The following CLEC16A variants were observed in gnomAD, a reference collection of about 807,000 sequenced individuals.
CLEC16A encodes C-type lectin domain containing 16A, also known as protein CLEC16A.
In CLEC16A, 51 loss-of-function variants were observed where a neutral mutation model predicts 109.5. The ratio of observed to expected loss-of-function variants is 0.47; its 90% confidence interval spans 0.37 to 0.59. CLEC16A has a LOEUF of 0.59. Among genes scored for constraint, CLEC16A ranks in the 20% least tolerant of loss-of-function variants. The pLI is 0.00. For missense variants in CLEC16A, 1,339 were observed against 1,394.0 expected (o/e 0.96, Z 0.63); for synonymous variants, 673 against 564.2 (o/e 1.19, Z -2.73).
chr16:11,104,456 A>G (rs1200213327), intron 19 of CLEC16A, among the ~76,000 whole-genome samples: 2 of 152,062 alleles, frequency 1.3e-5, no homozygotes, highest in Non-Finnish European at 2.9e-5. Flanking sequence ...TATTCTCTAG[A>G]CTATGTCCTC....
intron 13 of CLEC16A, among the ~76,000 whole-genome samples, chr16:11,034,492 G>C (rs975551720): frequency 2.6e-5 from 4 of 152,170 alleles, no homozygotes; most frequent in African/African-American, 9.7e-5. Context: ...TGAGAGGGAA[G>C]CTTAGTAAGA....
intron 19 of CLEC16A, among the ~76,000 whole-genome samples, chr16:11,115,167 C>T (rs2051892422): frequency 6.6e-6 from 1 of 152,084 alleles, no homozygotes; most frequent in Admixed American, 6.5e-5. Context: ...TGTCCGTTTT[C>T]CCAGATCAAA....
At chr16:10,952,328 T>C (rs1007996313) in intron 1 of CLEC16A, among the ~76,000 whole-genome samples, 1 of 152,220 alleles carries the variant, frequency 6.6e-6, no homozygotes. Context: ...ACCCCATCTC[T>C]ACTAAAAGTA....
intron 10 of CLEC16A, among the ~76,000 whole-genome samples, chr16:11,001,855 C>G (rs527366598): frequency 6.6e-6 from 1 of 152,182 alleles, no homozygotes; most frequent in South Asian, 2.1e-4. Context: ...GCGAGCTGAT[C>G]TTTGACTTAT....
chr16:11,163,099 A>C (rs972431723), intron 22 of CLEC16A, among the ~76,000 whole-genome samples: 2 of 152,238 alleles, frequency 1.3e-5, no homozygotes, highest in Admixed American at 6.5e-5. Context: ...TTCATACACC[A>C]AAAGCCTCTG....
chr16:11,003,314 C>G lies in CLEC16A; in HGVS notation c.1303+9C>G. The G allele has an allele frequency of 6.2e-7, 1 of 1,607,212 alleles. No individual in the cohort carries two copies. The highest frequency in any genetic ancestry group is 1.1e-5 in the South Asian group (1 of 90,848). On this transcript the variant is annotated intron_variant, in intron 11 of 23. Transcript: ENST00000409790. ...GAGTGGGGAGAGTGAAGGTGAGTGTCCCCATGAACGCCGCCCTGTGCCTGC... is the reference window on the plus strand; with the variant it reads ...GAGTGGGGAGAGTGAAGGTGAGTGTGCCCATGAACGCCGCCCTGTGCCTGC...
intron 19 of CLEC16A, among the ~76,000 whole-genome samples, chr16:11,063,720 C>T (rs892439085): frequency 2.0e-5 from 3 of 152,110 alleles, no homozygotes; most frequent in African/African-American, 7.2e-5. Context: ...AGCCGAGCTC[C>T]GGCTGTCATA....
At chr16:11,071,703 T>A (rs944831589) in intron 19 of CLEC16A, among the ~76,000 whole-genome samples, 2 of 150,064 alleles carry the variant, frequency 1.3e-5, no homozygotes, top group South Asian at 2.1e-4. Flanking sequence ...CATCCCACCT[T>A]AGCCTCTTGA....
At chr16:11,146,888 T>C (rs756219462) in intron 22 of CLEC16A, among the ~76,000 whole-genome samples, 5 of 152,152 alleles carry the variant, frequency 3.3e-5, no homozygotes, top group Non-Finnish European at 5.9e-5. Flanking sequence ...TCAGCCCCTT[T>C]GGAGCTCATG....
At chr16:11,133,980 G>A (rs768972215) in intron 22 of CLEC16A, among the ~76,000 whole-genome samples, 7 of 152,040 alleles carry the variant, frequency 4.6e-5, no homozygotes, top group Non-Finnish European at 7.4e-5. Flanking sequence ...TTATTGAGCT[G>A]CTAAGCACTT....
chr16:11,024,617 A>G (rs141117103), intron 12 of CLEC16A: 2 of 501,688 alleles, frequency 4.0e-6, no homozygotes, highest in East Asian at 3.4e-5. Context: ...TTCCTTGGTC[A>G]GGTTCCCCTC....
At chr16:11,039,580 G>T (rs996886415) in intron 13 of CLEC16A, among the ~76,000 whole-genome samples, 174 bp from the exon 14 acceptor site, 1 of 151,832 alleles carries the variant, frequency 6.6e-6, no homozygotes, top group Non-Finnish European at 1.5e-5. Context: ...TGGGAAACAT[G>T]ACAAAATCCT....
In CLEC16A at chr16:11,044,297, A is replaced by G. The variant is rs968507639; in HGVS notation, c.1815+225A>G. On this transcript the variant is annotated intron_variant, in intron 16 of 23. Coordinates refer to ENST00000409790, the MANE Select transcript of CLEC16A (RefSeq NM_015226.3). ...ATTTTTGAGGACTCAGCCCCAGTATATGATAATTTGTTTCTCAGTAATACA... is the reference window on the plus strand; with the variant it reads ...ATTTTTGAGGACTCAGCCCCAGTATGTGATAATTTGTTTCTCAGTAATACA... 70 of 370,694 alleles carry G rather than the reference A, an allele frequency of 1.9e-4. 1 individual carries two copies. Among genetic ancestry groups the G allele is most frequent in the Admixed American group, 4.4e-4 (10 of 22,944 alleles). 23.0% of individuals were successfully genotyped at this position (370,694 alleles called of 1,614,324 possible). A position where few individuals can be genotyped will look rare whatever the true frequency, so the allele number is the denominator to read the frequency against.
At chr16:11,175,249 G>T (rs1399375457) in intron 23 of CLEC16A, among the ~76,000 whole-genome samples, 1 of 152,188 alleles carries the variant, frequency 6.6e-6, no homozygotes, top group African/African-American at 2.4e-5. Flanking sequence ...CTGCTGCCTT[G>T]GTGTCCTCAC....
At chr16:11,097,026 G>A (rs2050644958) in intron 19 of CLEC16A, among the ~76,000 whole-genome samples, 1 of 152,148 alleles carries the variant, frequency 6.6e-6, no homozygotes, top group Non-Finnish European at 1.5e-5. Flanking sequence ...ATGCCACCAT[G>A]AGGGCCTGCC....
chr16:11,166,460 G>C lies in CLEC16A; in HGVS notation c.2714G>C (p.Ser905Thr). 1 of 1,608,052 alleles carries C rather than the reference G, an allele frequency of 6.2e-7. No individual in the cohort carries two copies. Among genetic ancestry groups the C allele is most frequent in the African/African-American group, 1.3e-5 (1 of 75,058 alleles). The change falls in exon 23 of 24, where the codon AGC becomes ACC. Residue 905 changes from serine (S) to threonine (T), a missense_variant. Physicochemically the swap from Ser to Thr is moderately conservative, Grantham distance 58 (BLOSUM62 1). Around this residue, in one of 3 missense-constraint regions of CLEC16A, gnomAD observed 1,061 missense variants for 1,006.8 expected, o/e 1.05. Transcript: ENST00000409790. ...SLSSQSPPSA[S>T]GSPSGSGSTS... The stretch of plus-strand genomic sequence containing the variant: ...TCCTCACAGTCGCCACCCTCCGCCA[G>C]CGGGAGCCCCAGCGGCAGCGGGAGC...
intron 19 of CLEC16A, among the ~76,000 whole-genome samples, chr16:11,076,314 C>A (rs1010703278): frequency 6.6e-6 from 1 of 152,240 alleles, no homozygotes; most frequent in African/African-American, 2.4e-5. Flanking sequence ...CCAAAACCCC[C>A]ACTCTGCCCC....
Position 10,944,895 on chromosome 16 carries a change from G to C in CLEC16A, c.80+98G>C, listed in dbSNP as rs1040166273. ...CTCTAGGAGGCGTGAGAGCGGCGGC[G>C]AAGGGCGCCCGGGGAAGCCCGTGTG... On this transcript the variant is annotated intron_variant, in intron 1 of 23. Coordinates refer to ENST00000409790, the MANE Select transcript of CLEC16A (RefSeq NM_015226.3). The C allele has an allele frequency of 5.0e-5, 61 of 1,210,944 alleles. No homozygotes were observed. In the Middle Eastern group the frequency reaches 9.6e-4, roughly 19 times the overall value. 75.0% of individuals were successfully genotyped at this position (1,210,944 alleles called of 1,614,324 possible).
At chr16:11,116,232 AT>A (rs2051980118) in intron 19 of CLEC16A, among the ~76,000 whole-genome samples, 1 of 151,380 alleles carries the variant, frequency 6.6e-6, no homozygotes, top group African/African-American at 2.4e-5. Context: ...TCTACTAAAA[AT>A]AAAAAAAAAA....
Sources: gnomAD v4.1 joint callset for allele counts (sites outside exome capture counted in the v4.1 genomes callset) on GRCh38, gnomAD v4.1.1 for gene constraint, gnomAD v4.1.1 regional missense constraint, MANE v1.5 for transcripts, NCBI Gene and HGNC (gene_info 2026-07-23, HGNC 2026-07-21) for gene names.